Variants in BPI observed in about 807,000 individuals in gnomAD.
The protein encoded by BPI is bactericidal permeability-increasing protein.
Under a neutral mutation model 57.6 loss-of-function variants are expected in BPI, and 48 were observed. The ratio of observed to expected loss-of-function variants is 0.83; its 90% CI spans 0.66 to 1.06. The LOEUF (loss-of-function observed/expected upper bound fraction) is 1.06. Among genes scored for constraint, BPI ranks in the 50% least tolerant of loss-of-function variants. The probability of loss-of-function intolerance (pLI) is 0.00; values close to 1 mark genes in which losing one functional copy is unlikely to be tolerated. For missense variants in BPI, 651 were observed against 609.7 expected (o/e 1.07, Z -0.71); for synonymous variants, 237 against 238.2 (o/e 0.99, Z 0.05).
Position 38,323,964 on chromosome 20 carries a change from G to A in BPI, c.851G>A (p.Gly284Asp). ...GCCCATGACCGCATGGTATACCTGG[G>A]CCTCTCAGACTACTTCTTCAACACA... ...PAAHDRMVYL[G>D]LSDYFFNTAG... Residue 284 changes from glycine (G) to aspartate (D), a missense_variant, in exon 8 of 15, where the codon GGC becomes GAC. Transcript: ENST00000642449. 3 of 1,614,184 alleles carry A rather than the reference G, an allele frequency of 1.9e-6. No individual in the cohort carries two copies. The highest frequency in any genetic ancestry group is 1.3e-5 in the African/African-American group (1 of 75,042).
chr20:38,330,058 C>T (rs1016035077), intron 11 of BPI, among the ~76,000 whole-genome samples: 1 of 152,096 alleles, frequency 6.6e-6, no homozygotes, highest in African/African-American at 2.4e-5. Flanking sequence ...GAGACCCTGT[C>T]TCTACAACAA....
intron 5 of BPI, among the ~76,000 whole-genome samples, chr20:38,313,025 T>C (rs112947489): frequency 7.8e-4 from 118 of 152,252 alleles, no homozygotes; most frequent in Admixed American, 1.5e-3. Flanking sequence ...CTCCAGGGCT[T>C]AACTAGCTGT....
intron 14 of BPI, among the ~76,000 whole-genome samples, chr20:38,336,679 AC>A (rs1158752648): frequency 1.3e-5 from 2 of 152,140 alleles, no homozygotes; most frequent in Non-Finnish European, 2.9e-5. Flanking sequence ...TAGAAAAATA[AC>A]CAAGAGTGCA....
intron 12 of BPI, 89 bp from the exon 13 acceptor site, chr20:38,334,341 G>A (rs1439441626): frequency 2.4e-6 from 3 of 1,268,758 alleles, no homozygotes; most frequent in African/African-American, 1.5e-5. Flanking sequence ...GGGGAAAGGA[G>A]GGTGACAGAG....
At chr20:38,308,907 A>G in intron 2 of BPI, 23 bp from the exon 3 acceptor site, 1 of 1,613,910 alleles carries the variant, frequency 6.2e-7, no homozygotes, top group Non-Finnish European at 8.5e-7. Context: ...AAATTATATG[A>G]CATTCACATT....
intron 13 of BPI, among the ~76,000 whole-genome samples, chr20:38,334,959 C>T (rs143421048): frequency 1.3e-5 from 2 of 152,090 alleles, no homozygotes; most frequent in South Asian, 2.1e-4. Context: ...TCAGGCAGGC[C>T]GGCCCCTGAC....
At chr20:38,305,481 T>C (rs1389087869) in intron 1 of BPI, among the ~76,000 whole-genome samples, 1 of 152,192 alleles carries the variant, frequency 6.6e-6, no homozygotes, top group Non-Finnish European at 1.5e-5. Flanking sequence ...CCTACTGCCT[T>C]CAGAAGCTAT....
At position 38,320,287 on chromosome 20, in the gene BPI, C is replaced by A. The variant is rs1458639509; in HGVS notation, c.756+13C>A. ...TGTACAGATGAAGGTGAGGCTGACA[C>A]TGAGAATCATACACCCTCACACCTC... is the stretch of plus-strand genomic sequence containing the variant. On this transcript the variant is annotated intron_variant, in intron 7 of 14. Transcript: ENST00000642449. The A allele has an allele frequency of 3.1e-6, 5 of 1,611,590 alleles. No homozygotes were observed. Among genetic ancestry groups the A allele is most frequent in the Admixed American group, 1.7e-5 (1 of 59,978 alleles).
At chr20:38,317,720 G>A in intron 5 of BPI, 1 of 1,051,100 alleles carries the variant, frequency 9.5e-7, no homozygotes, top group Non-Finnish European at 1.4e-6. Flanking sequence ...TTACAGAAGA[G>A]CAAATGGAAT....
chr20:38,323,755 C>T (rs1022851398), intron 7 of BPI, 115 bp from the exon 8 acceptor site: 2 of 1,209,766 alleles, frequency 1.7e-6, no homozygotes, highest in African/African-American at 1.5e-5. Flanking sequence ...CTGGTCATTG[C>T]TTTTTCCTTT....
chr20:38,317,462 T>C lies in BPI; in HGVS notation c.601-951T>C, dbSNP rs967765680. On this transcript the variant is annotated intron_variant, in intron 5 of 14. Coordinates refer to ENST00000642449, the MANE Select transcript of BPI (RefSeq NM_001725.3). ...TCTCTCCCATCTCTGGTGCCTGGGC[T>C]AGGAAGACTTGAAGGCTCAGCTCTG... is the stretch of plus-strand genomic sequence containing the variant. 2.0e-5 allele frequency among the ~76,000 whole-genome samples: 3 copies of C among 152,332 alleles called. No individual in the cohort carries two copies. The East Asian group carries it at 5.8e-4, about 29-fold the overall frequency.
intron 8 of BPI, 33 bp downstream of exon 8, chr20:38,324,079 G>A (rs891659463): frequency 2.5e-6 from 4 of 1,604,898 alleles, no homozygotes; most frequent in South Asian, 2.2e-5. Context: ...TGTGGGAAGA[G>A]CACTGGACCC....
At chr20:38,321,467 C>T (rs1196865040) in intron 7 of BPI, among the ~76,000 whole-genome samples, 1 of 152,076 alleles carries the variant, frequency 6.6e-6, no homozygotes, top group Non-Finnish European at 1.5e-5. Context: ...TCCCAATGCC[C>T]ACCTCTACCC....
At chr20:38,336,714 C>T (rs576884721) in intron 14 of BPI, among the ~76,000 whole-genome samples, 1 of 152,220 alleles carries the variant, frequency 6.6e-6, no homozygotes, top group East Asian at 1.9e-4. Context: ...CCGCATATTC[C>T]TCACATTTTA....
intron 11 of BPI, 80 bp downstream of exon 11, chr20:38,327,735 C>G: frequency 6.7e-7 from 1 of 1,488,708 alleles, no homozygotes; most frequent in Non-Finnish European, 9.3e-7. Flanking sequence ...CTGTGATATA[C>G]AGAAGCACTG....
intron 1 of BPI, among the ~76,000 whole-genome samples, chr20:38,305,891 A>C (rs892578192): frequency 1.8e-4 from 28 of 152,174 alleles, no homozygotes; most frequent in African/African-American, 6.8e-4. Flanking sequence ...GAAAACCCAA[A>C]GTCTGGGCTC....
rs76097133 is a variant in BPI at position 38,325,239 on chromosome 20, A to G, written c.993+406A>G. On this transcript the variant is annotated intron_variant, in intron 9 of 14. Transcript: ENST00000642449. The stretch of plus-strand genomic sequence containing the variant: ...AGTGTGGACTGTTACCAGTGAAACC[A>G]ACAGGTGGATGAGGTTACTTTAGAC... 2.8e-3 allele frequency among the ~76,000 whole-genome samples: 417 copies of G among 151,142 alleles called. 1 individual carries two copies. Among genetic ancestry groups the G allele is most frequent in the African/African-American group, 9.7e-3 (396 of 40,844 alleles).
At chr20:38,335,380 C>T (rs1026353843) in intron 13 of BPI, 57 of 587,410 alleles carry the variant, frequency 9.7e-5, no homozygotes, top group African/African-American at 7.8e-4. Context: ...ATGGAGTCCA[C>T]GCAGGTGCTA....
chr20:38,306,834 G>A (rs377348715), intron 1 of BPI, among the ~76,000 whole-genome samples: 7 of 152,100 alleles, frequency 4.6e-5, no homozygotes, highest in African/African-American at 9.6e-5. Context: ...ACAGCCCTCC[G>A]TTTTTGTATG....
Sources: gnomAD v4.1 joint callset for allele counts (sites outside exome capture counted in the v4.1 genomes callset) on GRCh38, gnomAD v4.1.1 for gene constraint, MANE v1.5 for transcripts, NCBI Gene and HGNC (gene_info 2026-07-23, HGNC 2026-07-21) for gene names.